Variants in SNTB1 observed in about 807,000 individuals in gnomAD.
SNTB1 encodes the protein syntrophin beta 1.
A neutral mutation model predicts 48.9 loss-of-function variants in SNTB1; 36 were observed. The ratio of observed to expected loss-of-function variants is 0.74; its 90% confidence interval spans 0.56 to 0.97. The LOEUF is 0.97. Ranked by LOEUF, SNTB1 falls within the 50% of genes least tolerant of loss-of-function variation. The pLI is 0.00. For synonymous variants in SNTB1, 299 were observed against 294.6 expected, an observed-to-expected ratio of 1.01 and a Z score of -0.15; for missense variants, 786 against 703.4, an observed-to-expected ratio of 1.12 and a Z score of -1.33.
intron 3 of SNTB1, among the ~76,000 whole-genome samples, chr8:120,619,338 CAG>C (rs1298450480): frequency 4.6e-5 from 7 of 150,780 alleles, no homozygotes; most frequent in Non-Finnish European, 3.0e-5. Flanking sequence ...GAGAAAGAGA[CAG>C]AGAGAGAGAA....
At position 120,538,060 on chromosome 8, in the gene SNTB1, C is replaced by A. The variant is rs1455693505; in HGVS notation, c.*817G>T. ...ATTTTCTGAAAAAATACCCATAATTCACTCTCTATAAATAAAGCTGTAATT... is the reference window on the plus strand; with the variant it reads ...ATTTTCTGAAAAAATACCCATAATTAACTCTCTATAAATAAAGCTGTAATT... On this transcript the variant is annotated 3_prime_UTR_variant, in exon 7 of 7. Coordinates refer to ENST00000517992, the MANE Select transcript of SNTB1 (RefSeq NM_021021.4). 1.3e-5 allele frequency: 2 copies of A among 152,188 alleles called. No homozygotes were observed. The highest frequency in any genetic ancestry group is 2.4e-5 in the African/African-American group (1 of 41,406). 9.4% of individuals were successfully genotyped at this position (152,188 alleles called of 1,614,324 possible). A position where few individuals can be genotyped will look rare whatever the true frequency, so the allele number is the denominator to read the frequency against.
At chr8:120,736,751 A>G (rs1337741102) in intron 1 of SNTB1, among the ~76,000 whole-genome samples, 1 of 152,198 alleles carries the variant, frequency 6.6e-6, no homozygotes, top group Non-Finnish European at 1.5e-5. Flanking sequence ...AGAAACAGGA[A>G]GCTGGAGGAA....
intron 1 of SNTB1, among the ~76,000 whole-genome samples, chr8:120,807,488 C>A (rs1268132476): frequency 6.6e-6 from 1 of 152,222 alleles, no homozygotes; most frequent in Non-Finnish European, 1.5e-5. Flanking sequence ...GATTCCTGAT[C>A]TTAACTTTAA....
intron 3 of SNTB1, among the ~76,000 whole-genome samples, chr8:120,631,677 TAGAGAGAA>T (rs1563836199): frequency 6.6e-6 from 1 of 152,088 alleles, no homozygotes; most frequent in African/African-American, 2.4e-5. Context: ...TCCTTTGAAA[TAGAGAGAA>T]AGAGTAACTC....
At chr8:120,648,937 C>A (rs556819613) in intron 2 of SNTB1, among the ~76,000 whole-genome samples, 445 of 151,400 alleles carry the variant, frequency 2.9e-3, no homozygotes, top group South Asian at 0.01. Context: ...TCGCTGATAC[C>A]CTTTCTTCCA....
intron 2 of SNTB1, among the ~76,000 whole-genome samples, chr8:120,641,787 C>A (rs1314421908): frequency 2.0e-5 from 3 of 152,136 alleles, no homozygotes; most frequent in Non-Finnish European, 4.4e-5. Context: ...TTTTGTATAC[C>A]CTTTCCAGTT....
chr8:120,622,265 A>G lies in SNTB1; in HGVS notation c.996+10179T>C, dbSNP rs868595365. Among the ~76,000 whole-genome samples, 14 of 152,306 alleles carry G rather than the reference A, an allele frequency of 9.2e-5. No individual in the cohort carries two copies. In the Middle Eastern group the frequency reaches 0.017, roughly 185 times the overall value. Reference sequence around the variant, plus strand: ...ACCTTGATGCAGCCCATATGTAGATATGGATGTTCTTAAATCAGATTCTAG... The same window carrying G: ...ACCTTGATGCAGCCCATATGTAGATGTGGATGTTCTTAAATCAGATTCTAG... On this transcript the variant is annotated intron_variant, in intron 3 of 6. Transcript: ENST00000517992.
chr8:120,806,887 C>T (rs933198274), intron 1 of SNTB1, among the ~76,000 whole-genome samples: 1 of 152,138 alleles, frequency 6.6e-6, no homozygotes, highest in East Asian at 1.9e-4. Flanking sequence ...TCCAGAAAAT[C>T]ACTGCCCCTC....
At chr8:120,773,885 C>T (rs1013086037) in intron 1 of SNTB1, among the ~76,000 whole-genome samples, 1 of 152,236 alleles carries the variant, frequency 6.6e-6, no homozygotes, top group Non-Finnish European at 1.5e-5. Context: ...CTTCTGGATT[C>T]AGGGCTATAG....
intron 1 of SNTB1, among the ~76,000 whole-genome samples, chr8:120,798,509 A>G: frequency 6.6e-6 from 1 of 152,078 alleles, no homozygotes; most frequent in South Asian, 2.1e-4. Context: ...ACAATGAAGA[A>G]CTATCTGAAC....
At chr8:120,674,087 A>G (rs961376310) in intron 2 of SNTB1, among the ~76,000 whole-genome samples, 1 of 152,140 alleles carries the variant, frequency 6.6e-6, no homozygotes, top group African/African-American at 2.4e-5. Flanking sequence ...AGTTTTTTTC[A>G]TTTAGGGACC....
chr8:120,618,049 C>T (rs1345651984), intron 3 of SNTB1, among the ~76,000 whole-genome samples: 1 of 152,154 alleles, frequency 6.6e-6, no homozygotes. Context: ...CGAGGCCATG[C>T]ATTTTGCGTC....
At position 120,538,835 on chromosome 8, in the gene SNTB1, C is replaced by T. The variant is rs749814893; in HGVS notation, c.*42G>A. 2.0e-6 allele frequency: 3 copies of T among 1,476,588 alleles called. No homozygotes were observed. The highest frequency in any genetic ancestry group is 2.8e-6 in the Non-Finnish European group (3 of 1,054,948). The allele number at this position is 1,476,588 out of a possible 1,614,324, so 91.5% of individuals were successfully genotyped here. ...TGTCTGACATCACGTTCTCTGGTGGCATTGCAGCCCTTCTTTTCTCAAAGG... is the reference window on the plus strand; with the variant it reads ...TGTCTGACATCACGTTCTCTGGTGGTATTGCAGCCCTTCTTTTCTCAAAGG... On this transcript the variant is annotated 3_prime_UTR_variant, in exon 7 of 7. Transcript: ENST00000517992.
chr8:120,546,632 G>C (rs1815385254), intron 5 of SNTB1, among the ~76,000 whole-genome samples: 1 of 152,036 alleles, frequency 6.6e-6, no homozygotes, highest in Non-Finnish European at 1.5e-5. Flanking sequence ...ACGGCACCTG[G>C]CTAATTTTTG....
chr8:120,683,360 T>C (rs1817970489), intron 2 of SNTB1, among the ~76,000 whole-genome samples: 1 of 152,212 alleles, frequency 6.6e-6, no homozygotes, highest in South Asian at 2.1e-4. Flanking sequence ...TCAGGAATGC[T>C]TCTGCCACTG....
chr8:120,811,945 CG>C lies in SNTB1; in HGVS notation c.-103del. 1 of 1,272,460 alleles carries C rather than the reference CG, an allele frequency of 7.9e-7. No homozygotes were observed. Among genetic ancestry groups the C allele is most frequent in the Non-Finnish European group, 9.9e-7 (1 of 1,013,630 alleles). 78.8% of individuals were successfully genotyped at this position (1,272,460 alleles called of 1,614,324 possible). On this transcript the variant is annotated 5_prime_UTR_variant, in exon 1 of 7. Transcript: ENST00000517992. ...GGGGCCCGGGGGAGCGAGGAGAGTGCGTCCCGCGGGGAGGTGGCGGCACGCG... is the reference window on the plus strand; with the variant it reads ...GGGGCCCGGGGGAGCGAGGAGAGTGCTCCCGCGGGGAGGTGGCGGCACGCG...
chr8:120,809,423 A>G (rs1820390288), intron 1 of SNTB1, among the ~76,000 whole-genome samples: 1 of 152,160 alleles, frequency 6.6e-6, no homozygotes, highest in South Asian at 2.1e-4. Flanking sequence ...CTGTTTCAAG[A>G]AAGTCACATA....
At position 120,632,429 on chromosome 8, in the gene SNTB1, AG is replaced by A; in HGVS notation, c.996+14del. ...CGGGGAGGACGACTATTACAGAGGA[AG>A]GTATTTTCCTTACCTTTTCTGCAAG... On this transcript the variant is annotated intron_variant, in intron 3 of 6. Coordinates refer to ENST00000517992, the MANE Select transcript of SNTB1 (RefSeq NM_021021.4). 1.2e-6 allele frequency: 2 copies of A among 1,611,376 alleles called. No individual in the cohort carries two copies. Among genetic ancestry groups the A allele is most frequent in the Non-Finnish European group, 1.7e-6 (2 of 1,178,754 alleles).
At chr8:120,618,433 C>T (rs1235173969) in intron 3 of SNTB1, among the ~76,000 whole-genome samples, 2 of 152,170 alleles carry the variant, frequency 1.3e-5, no homozygotes, top group Admixed American at 6.5e-5. Context: ...AATTATCTAC[C>T]TCCCCTGCTG....
Sources: gnomAD v4.1 joint callset for allele counts (sites outside exome capture counted in the v4.1 genomes callset) on GRCh38, gnomAD v4.1.1 for gene constraint, MANE v1.5 for transcripts, NCBI Gene and HGNC (gene_info 2026-07-23, HGNC 2026-07-21) for gene names.